KLRD1: variants seen among roughly 807,000 people sequenced by gnomAD.
KLRD1 encodes killer cell lectin like receptor D1.
A neutral mutation model predicts 22.6 loss-of-function variants in KLRD1; 21 were observed. That is an observed-to-expected ratio of 0.93 (90% CI 0.66 to 1.34). The LOEUF is 1.34. Among genes scored for constraint, KLRD1 ranks in the 40% most tolerant of loss-of-function variants. The probability of loss-of-function intolerance (pLI) is 0.00; values close to 1 mark genes in which losing one functional copy is unlikely to be tolerated. For synonymous variants in KLRD1, 59 were observed against 71.1 expected (o/e 0.83, Z 0.85); for missense variants, 183 against 208.6 (o/e 0.88, Z 0.76).
In KLRD1 at chr12:10,327,537, T is replaced by C. The variant is rs1947765; in HGVS notation, c.*12744T>C. The C allele has an allele frequency of 0.94, 142,461 of 152,240 alleles. 67,423 individuals carry two copies. The highest frequency in any genetic ancestry group is 1 in the East Asian group (5,188 of 5,188). The allele number at this position is 152,240 out of a possible 1,614,324, so 9.4% of individuals were successfully genotyped here. A position where few individuals can be genotyped will look rare whatever the true frequency, so the allele number is the denominator to read the frequency against. On this transcript the variant is annotated 3_prime_UTR_variant, in exon 6 of 6. Transcript: ENST00000336164. ...TTAATAAATGAATATAGGAGGATTT[T>C]TGCATGTTGATTTTGTACCCTGCAA...
At chr12:10,242,069 C>CTATTT (rs1949246185) in intron 1 of KLRD1, among the ~76,000 whole-genome samples, 1 of 23,186 alleles carries the variant, frequency 4.3e-5, no homozygotes, top group Admixed American at 7.4e-4. Context: ...ACTGTTCTTG[C>CTATTT]TGTTTTTTTT....
intron 1 of KLRD1, among the ~76,000 whole-genome samples, chr12:10,284,384 G>T (rs1949679925): frequency 6.6e-6 from 1 of 152,154 alleles, no homozygotes; most frequent in Non-Finnish European, 1.5e-5. Flanking sequence ...TTTGAACAAA[G>T]AATTGAGTAT....
At chr12:10,247,670 A>G (rs1436164721) in intron 1 of KLRD1, among the ~76,000 whole-genome samples, 2 of 152,162 alleles carry the variant, frequency 1.3e-5, no homozygotes, top group Non-Finnish European at 2.9e-5. Context: ...TAATCCCCAC[A>G]TGTCATGGGA....
At chr12:10,282,326 G>A (rs1032653938) in intron 1 of KLRD1, among the ~76,000 whole-genome samples, 1 of 149,988 alleles carries the variant, frequency 6.7e-6, no homozygotes, top group African/African-American at 2.5e-5. Flanking sequence ...GCATGATCTC[G>A]GCTCACCACA....
intron 1 of KLRD1, among the ~76,000 whole-genome samples, chr12:10,243,117 G>A (rs1457237089): frequency 6.6e-6 from 1 of 151,772 alleles, no homozygotes; most frequent in African/African-American, 2.4e-5. Context: ...GAGACTGGGG[G>A]AAAGAGAATG....
upstream of KLRD1, among the ~76,000 whole-genome samples, chr12:10,306,117 C>T (rs2137682926): frequency 6.6e-6 from 1 of 151,918 alleles, no homozygotes; most frequent in South Asian, 2.1e-4. Context: ...TGCAGTGAGC[C>T]GAGTGAGCCA....
rs558081105 is a variant in KLRD1, at chr12:10,276,339, G to A, written c.-100-31639G>A. On this transcript the variant is annotated intron_variant, in intron 1 of 5. Transcript: ENST00000544747. ...TGTTTGGATATTTAGTGACTAGGTC[G>A]GTATATGGGTATAAATGTTTATAAA... is the stretch of plus-strand genomic sequence containing the variant. Among the ~76,000 whole-genome samples the A allele has an allele frequency of 1.2e-4, 18 of 152,064 alleles. No homozygotes were observed. The East Asian group carries it at 1.7e-3, about 15-fold the overall frequency.
At chr12:10,311,345 ATACAG>A in intron 3 of KLRD1, 114 bp from the exon 4 acceptor site, 1 of 882,766 alleles carries the variant, frequency 1.1e-6, no homozygotes, top group Non-Finnish European at 1.8e-6. Context: ...AGTGTGGTGT[ATACAG>A]TAGATTCTGA....
upstream of KLRD1, among the ~76,000 whole-genome samples, chr12:10,307,131 G>A (rs1203448523): frequency 6.6e-6 from 1 of 151,942 alleles, no homozygotes; most frequent in East Asian, 1.9e-4. Context: ...TATTAACAAG[G>A]TTACTCTTCT....
At chr12:10,296,677 A>AAG (rs903075941) in intron 1 of KLRD1, among the ~76,000 whole-genome samples, 1 of 152,110 alleles carries the variant, frequency 6.6e-6, no homozygotes, top group Non-Finnish European at 1.5e-5. Context: ...AATGGATTAA[A>AAG]AGAGAGAGAG....
rs1266898101 is a variant in KLRD1 at position 10,326,676 on chromosome 12, C to T, written c.*11883C>T. 4 of 152,174 alleles carry T rather than the reference C, an allele frequency of 2.6e-5. No individual in the cohort carries two copies. Among genetic ancestry groups the T allele is most frequent in the Admixed American group, 2.6e-4 (4 of 15,270 alleles). 9.4% of individuals were successfully genotyped at this position (152,174 alleles called of 1,614,324 possible). ...AGATGACTTTGAATAGAATGGGGGG[C>T]TCCCAGGTCACAGGTAAGGGACAAA... On this transcript the variant is annotated 3_prime_UTR_variant, in exon 6 of 6. Coordinates refer to ENST00000336164, the MANE Select transcript of KLRD1 (RefSeq NM_002262.5).
rs149210639 is a variant in KLRD1, at chr12:10,289,295, C to G, written c.-100-18683C>G. 8.8e-3 allele frequency among the ~76,000 whole-genome samples: 1,340 copies of G among 152,304 alleles called. 83 individuals carry two copies. The highest frequency in any genetic ancestry group is 0.081 in the Admixed American group (1,241 of 15,306). ...GCAGCTGAGCTCTTTGCAGCTCTTT[C>G]ATGAGGTTCTTACACCTTGCTAGGT... On this transcript the variant is annotated intron_variant, in intron 1 of 5. Transcript: ENST00000544747.
chr12:10,307,863 G>A, upstream of KLRD1: 2 of 538,902 alleles, frequency 3.7e-6, no homozygotes, highest in Non-Finnish European at 6.6e-6. Flanking sequence ...TGATTCTACT[G>A]CTTCTTATTC....
intron 1 of KLRD1, among the ~76,000 whole-genome samples, chr12:10,257,139 C>CTTTTTTTTTTTTT (rs55950006): frequency 5.4e-5 from 7 of 130,270 alleles, no homozygotes; most frequent in African/African-American, 1.2e-4. Flanking sequence ...CTTTTCTTTT[C>CTTTTTTTTTTTTT]TTTTTTTTTT....
chr12:10,265,066 T>C (rs1949486952), intron 1 of KLRD1, among the ~76,000 whole-genome samples: 1 of 152,108 alleles, frequency 6.6e-6, no homozygotes, highest in African/African-American at 2.4e-5. Flanking sequence ...TCTCTATATA[T>C]GTACACATAC....
At position 10,313,594 on chromosome 12, in the gene KLRD1, G is replaced by A. The variant is rs1950150450; in HGVS notation, c.419+81G>A. On this transcript the variant is annotated intron_variant, in intron 5 of 5. Transcript: ENST00000336164. ...TGACTAGTAAAGGTAACATCCAGGAGCACTGTGGCTGAAATAACCTTGTCT... is the reference window on the plus strand; with the variant it reads ...TGACTAGTAAAGGTAACATCCAGGAACACTGTGGCTGAAATAACCTTGTCT... 3 of 711,912 alleles carry A rather than the reference G, an allele frequency of 4.2e-6. No individual in the cohort carries two copies. In the South Asian group the frequency reaches 6.4e-5, roughly 15 times the overall value. 44.1% of individuals were successfully genotyped at this position (711,912 alleles called of 1,614,324 possible).
rs1170195846 is a variant in KLRD1 at position 10,320,016 on chromosome 12, C to T, written c.*5223C>T. ...GAGCAGCTGGGATTACAGGTGTGCA[C>T]CACCACTCCTGGCTAATTTTTTTGT... On this transcript the variant is annotated 3_prime_UTR_variant, in exon 6 of 6. Coordinates refer to ENST00000336164, the MANE Select transcript of KLRD1 (RefSeq NM_002262.5). 14 of 151,760 alleles carry T rather than the reference C, an allele frequency of 9.2e-5. No individual in the cohort carries two copies. The highest frequency in any genetic ancestry group is 1.6e-4 in the Non-Finnish European group (11 of 67,996). 9.4% of individuals were successfully genotyped at this position (151,760 alleles called of 1,614,324 possible).
In KLRD1 at chr12:10,324,010, C is replaced by T. The variant is rs2137752269; in HGVS notation, c.*9217C>T. ...CCCAGTAGCCGAGATTACAGATGCC[C>T]ACCACCACGCCCAGCTAATTTTTGT... is the stretch of plus-strand genomic sequence containing the variant. On this transcript the variant is annotated 3_prime_UTR_variant, in exon 6 of 6. Transcript: ENST00000336164. 1 of 151,870 alleles carries T rather than the reference C, an allele frequency of 6.6e-6. No homozygotes were observed. The highest frequency in any genetic ancestry group is 2.1e-4 in the South Asian group (1 of 4,796). 9.4% of individuals were successfully genotyped at this position (151,870 alleles called of 1,614,324 possible).
chr12:10,307,985 A>T lies in KLRD1; in HGVS notation c.-93A>T. 1 of 1,120,736 alleles carries T rather than the reference A, an allele frequency of 8.9e-7. No individual in the cohort carries two copies. Among genetic ancestry groups the T allele is most frequent in the Non-Finnish European group, 1.3e-6 (1 of 748,888 alleles). The allele number at this position is 1,120,736 out of a possible 1,614,324, so 69.4% of individuals were successfully genotyped here. A position where few individuals can be genotyped will look rare whatever the true frequency, so the allele number is the denominator to read the frequency against. On this transcript the variant is annotated 5_prime_UTR_variant, in exon 1 of 6. Transcript: ENST00000336164. ...TTCATACTCAACTTTCAGATTCTTTAATCTCCAGCTCAGCTTCAACAATTC... is the reference window on the plus strand; with the variant it reads ...TTCATACTCAACTTTCAGATTCTTTTATCTCCAGCTCAGCTTCAACAATTC...
Sources: allele counts gnomAD v4.1 joint callset (sites outside exome capture counted in the v4.1 genomes callset), GRCh38; gene constraint gnomAD v4.1.1; transcripts MANE v1.5; gene names NCBI Gene and HGNC (gene_info 2026-07-23, HGNC 2026-07-21).